The following RNF220 variants were observed in gnomAD, a reference collection of about 807,000 sequenced individuals.
RNF220 encodes the protein E3 ubiquitin-protein ligase RNF220.
A neutral mutation model predicts 67.1 loss-of-function variants in RNF220; 7 were observed. The observed-to-expected ratio is 0.10, with a 90% confidence interval of 0.06 to 0.20. RNF220 has a LOEUF of 0.20. Ranked by LOEUF, RNF220 falls within the 10% of genes least tolerant of loss-of-function variation. The pLI, the probability that RNF220 is intolerant of heterozygous loss-of-function variation, is 1.00. For missense variants in RNF220, 565 were observed against 740.3 expected (o/e 0.76, Z 2.75); for synonymous variants, 270 against 283.2 (o/e 0.95, Z 0.47).
intron 2 of RNF220, among the ~76,000 whole-genome samples, chr1:44,466,785 T>C (rs1035878527): frequency 6.6e-6 from 1 of 152,232 alleles, no homozygotes; most frequent in African/African-American, 2.4e-5. Flanking sequence ...AACCATGCTA[T>C]AAACAGATGT....
In RNF220 at chr1:44,423,858, G is replaced by C. The variant is rs973418336; in HGVS notation, c.625+11136G>C. On this transcript the variant is annotated intron_variant, in intron 2 of 14. Transcript: ENST00000361799. ...TTTCGCGAGGGAGGTTAGGCATGTA[G>C]TGCCAAGAGTATTGAAGAAGGAAAA... The C allele has an allele frequency of 1.0e-5, 10 of 985,378 alleles. No homozygotes were observed. In the South Asian group the frequency reaches 3.8e-4, roughly 37 times the overall value. The allele number at this position is 985,378 out of a possible 1,614,324, so 61.0% of individuals were successfully genotyped here. A position where few individuals can be genotyped will look rare whatever the true frequency, so the allele number is the denominator to read the frequency against.
At chr1:44,438,460 T>C (rs186493073) in intron 2 of RNF220, among the ~76,000 whole-genome samples, 2 of 152,330 alleles carry the variant, frequency 1.3e-5, no homozygotes, top group East Asian at 3.9e-4. Context: ...AATGTTTTAA[T>C]ATGCCTATCA....
rs1433058513 is a variant in RNF220, at chr1:44,621,560, G to A, written c.759-1182G>A. The stretch of plus-strand genomic sequence containing the variant: ...GACATTGCTGGATGTCCCCTGTGCA[G>A]GTGAACATCCCTTCCCCTTCTCCCC... On this transcript the variant is annotated intron_variant, in intron 3 of 14. Transcript: ENST00000361799. This position sits in a 1 kb window ranked among gnomAD's most constrained non-coding sequence, Gnocchi z 4.8. 1.3e-5 allele frequency among the ~76,000 whole-genome samples: 2 copies of A among 152,162 alleles called. No individual in the cohort carries two copies. Among genetic ancestry groups the A allele is most frequent in the Non-Finnish European group, 2.9e-5 (2 of 68,044 alleles).
chr1:44,616,771 T>C (rs1038551735), intron 3 of RNF220, among the ~76,000 whole-genome samples: 1 of 152,248 alleles, frequency 6.6e-6, no homozygotes, highest in East Asian at 1.9e-4. Flanking sequence ...TAGAGGAGCA[T>C]GCCCAGCCTT....
intron 2 of RNF220, among the ~76,000 whole-genome samples, chr1:44,518,811 C>T (rs181476685): frequency 9.2e-5 from 14 of 151,768 alleles, no homozygotes; most frequent in Non-Finnish European, 1.3e-4. Flanking sequence ...GGAGGCAGAG[C>T]TTGCAGTGAG....
intron 5 of RNF220, among the ~76,000 whole-genome samples, chr1:44,627,344 CAAAAAAAAAA>C (rs35722890): frequency 4.7e-5 from 2 of 42,254 alleles, no homozygotes; most frequent in Non-Finnish European, 8.5e-5. Context: ...GACTCCGTCT[CAAAAAAAAAA>C]AAAAAAAAAA....
chr1:44,518,049 T>C (rs962975943), intron 2 of RNF220, among the ~76,000 whole-genome samples: 2 of 151,942 alleles, frequency 1.3e-5, no homozygotes, highest in East Asian at 1.9e-4. Flanking sequence ...GGAGGTTGCA[T>C]TGAGTGGAGA....
intron 5 of RNF220, among the ~76,000 whole-genome samples, chr1:44,627,836 G>T (rs535161056): frequency 2.0e-5 from 3 of 152,228 alleles, no homozygotes; most frequent in Non-Finnish European, 4.4e-5. Flanking sequence ...TTAAAGAAAG[G>T]TGTTCTCTGC....
At chr1:44,599,699 G>A (rs1666782008) in intron 2 of RNF220, among the ~76,000 whole-genome samples, 1 of 152,212 alleles carries the variant, frequency 6.6e-6, no homozygotes, top group Non-Finnish European at 1.5e-5. Flanking sequence ...TGCCCATGGG[G>A]AGATGATGGC....
intron 2 of RNF220, among the ~76,000 whole-genome samples, chr1:44,581,275 GA>G (rs1365043355): frequency 6.6e-6 from 1 of 152,216 alleles, no homozygotes; most frequent in African/African-American, 2.4e-5. Flanking sequence ...GTGGCATTTG[GA>G]AAAGGTCACT....
At chr1:44,493,333 G>C (rs927617140) in intron 2 of RNF220, among the ~76,000 whole-genome samples, 3 of 152,092 alleles carry the variant, frequency 2.0e-5, no homozygotes, top group African/African-American at 7.2e-5. Flanking sequence ...GGCCAACATG[G>C]TAAAACTCCG....
At chr1:44,633,333 A>G (rs529605790) in intron 6 of RNF220, among the ~76,000 whole-genome samples, 6 of 152,218 alleles carry the variant, frequency 3.9e-5, no homozygotes, top group Non-Finnish European at 8.8e-5. Flanking sequence ...GATGTAACTG[A>G]GCCATGATTC....
intron 2 of RNF220, among the ~76,000 whole-genome samples, chr1:44,516,990 T>C (rs1659502753): frequency 6.6e-6 from 1 of 151,998 alleles, no homozygotes; most frequent in Admixed American, 6.6e-5. Context: ...CACCTCCCCA[T>C]CCACTTGTCC....
intron 2 of RNF220, among the ~76,000 whole-genome samples, chr1:44,478,488 A>T (rs1655489714): frequency 6.6e-6 from 1 of 151,972 alleles, no homozygotes; most frequent in African/African-American, 2.4e-5. Flanking sequence ...TTGGGAGGCC[A>T]AGGTGGGTGG....
intron 2 of RNF220, among the ~76,000 whole-genome samples, chr1:44,610,315 G>A (rs930071075): frequency 1.5e-4 from 23 of 152,346 alleles, no homozygotes; most frequent in African/African-American, 5.3e-4. Flanking sequence ...AGCGCCCGGG[G>A]ATTAGCAGGA....
intron 2 of RNF220, among the ~76,000 whole-genome samples, chr1:44,522,786 A>T (rs1168759844): frequency 6.6e-6 from 1 of 152,202 alleles, no homozygotes; most frequent in Non-Finnish European, 1.5e-5. Flanking sequence ...TTTGCTCACA[A>T]ACTTAGATAA....
At chr1:44,458,214 C>T (rs1469011780) in intron 2 of RNF220, among the ~76,000 whole-genome samples, 1 of 151,996 alleles carries the variant, frequency 6.6e-6, no homozygotes, top group Non-Finnish European at 1.5e-5. Context: ...TATGATCATG[C>T]CACCGTACTC....
intron 2 of RNF220, among the ~76,000 whole-genome samples, chr1:44,428,116 C>A (rs1190145803): frequency 6.6e-6 from 1 of 152,170 alleles, no homozygotes; most frequent in Non-Finnish European, 1.5e-5. Flanking sequence ...TAGCACCCAC[C>A]CAATGACCAC....
At position 44,614,207 on chromosome 1, in the gene RNF220, T is replaced by A. The variant is rs781165057; in HGVS notation, c.668T>A (p.Ile223Asn). The change falls in exon 3 of 15, where the codon ATT (isoleucine) becomes AAT (asparagine). Residue 223 changes from isoleucine (I) to asparagine (N), a missense_variant. Transcript: ENST00000361799. ...GCATTGTTCGACAGCCAGGCCCCAA[T>A]TTGCCCCATCTGCCAGGTCCTGCTG... ...AAALFDSQAP[I>N]CPICQVLLRP... The A allele has an allele frequency of 1.5e-5, 25 of 1,614,042 alleles. No homozygotes were observed. The highest frequency in any genetic ancestry group is 2.1e-5 in the Non-Finnish European group (25 of 1,180,026).
Sources: gnomAD v4.1 joint callset for allele counts (sites outside exome capture counted in the v4.1 genomes callset) on GRCh38, gnomAD v4.1.1 for gene constraint, Gnocchi (gnomAD v3.1) non-coding constraint, MANE v1.5 for transcripts, NCBI Gene and HGNC (gene_info 2026-07-23, HGNC 2026-07-21) for gene names.